The following GALNS variants were observed in gnomAD, a reference collection of about 807,000 sequenced individuals.
GALNS encodes the protein galactosamine (N-acetyl)-6-sulfatase.
Under a neutral mutation model 65.9 loss-of-function variants are expected in GALNS, and 65 were observed. The ratio of observed to expected loss-of-function variants is 0.99; its 90% confidence interval spans 0.81 to 1.21. GALNS has a LOEUF of 1.21. GALNS is among the 50% of genes most tolerant of loss of function. The probability of loss-of-function intolerance (pLI) is 0.00; values close to 1 mark genes in which losing one functional copy is unlikely to be tolerated. For missense variants in GALNS, 776 were observed against 700.7 expected (o/e 1.11, Z -1.21); for synonymous variants, 346 against 288.9 (o/e 1.20, Z -2.00).
intron 9 of GALNS, among the ~76,000 whole-genome samples, chr16:88,828,222 G>C (rs1158072599): frequency 6.9e-6 from 1 of 144,320 alleles, no homozygotes; most frequent in Non-Finnish European, 1.5e-5. Flanking sequence ...AAGAAATCCA[G>C]ATGCTTTTGT....
chr16:88,815,865 G>A (rs574154187), intron 13 of GALNS: 3 of 985,310 alleles, frequency 3.0e-6, no homozygotes, highest in South Asian at 4.7e-5. Flanking sequence ...CTGGATGGGG[G>A]ATCTGCATTT....
rs754393880 is a variant in GALNS, at chr16:88,835,752, G to C, written c.731C>G (p.Pro244Arg). The change falls in exon 7 of 14, where the codon CCC becomes CGC. Residue 244 changes from proline to arginine, a missense_variant. Coordinates refer to ENST00000268695, the MANE Select transcript of GALNS (RefSeq NM_000512.5). The stretch of plus-strand genomic sequence containing the variant: ...CCCTCGCTGACTGGTGCCCAAGAAG[G>C]GTTTGGAGGCATAGACGGGTGCGTG... ...ATHAPVYASK[P>R]FLGTSQRGRY... The C allele has an allele frequency of 5.6e-6, 9 of 1,614,126 alleles. No homozygotes were observed. The South Asian group carries it at 9.9e-5, about 18-fold the overall frequency.
chr16:88,816,595 G>A, intron 13 of GALNS: 2 of 982,262 alleles, frequency 2.0e-6, no homozygotes, highest in Non-Finnish European at 2.4e-6. Context: ...GACTGTCCCT[G>A]GGCAGGGACA....
chr16:88,852,597 G>A (rs111931109), intron 1 of GALNS, among the ~76,000 whole-genome samples: 4,344 of 152,300 alleles, frequency 0.029, 71 homozygotes, highest in Middle Eastern at 0.054. Context: ...CGAACTAGAG[G>A]AAGATGTTTG....
At chr16:88,826,225 G>A (rs1910889441) in intron 10 of GALNS, among the ~76,000 whole-genome samples, 1 of 146,098 alleles carries the variant, frequency 6.8e-6, no homozygotes, top group Non-Finnish European at 1.5e-5. Flanking sequence ...CCAGGTACAG[G>A]CAGGCAACAG....
intron 1 of GALNS, among the ~76,000 whole-genome samples, chr16:88,853,675 C>T (rs1265767976): frequency 1.3e-5 from 2 of 152,196 alleles, no homozygotes; most frequent in African/African-American, 2.4e-5. Flanking sequence ...GTCTCCAAGG[C>T]CCCAGAAGCC....
intron 1 of GALNS, among the ~76,000 whole-genome samples, chr16:88,848,543 C>T (rs1219215331): frequency 2.1e-5 from 3 of 145,998 alleles, no homozygotes; most frequent in Non-Finnish European, 4.5e-5. Context: ...TGAGGCAGGA[C>T]AGCCTGGGTG....
At chr16:88,832,380 G>A (rs557906125) in intron 8 of GALNS, among the ~76,000 whole-genome samples, 3 of 152,306 alleles carry the variant, frequency 2.0e-5, no homozygotes, top group East Asian at 3.9e-4. Context: ...GTACACTCCC[G>A]CAGCAGAGGC....
chr16:88,855,750 G>A (rs903662895), intron 1 of GALNS: 7 of 549,452 alleles, frequency 1.3e-5, no homozygotes, highest in South Asian at 4.3e-5. Context: ...TTCCAATTCC[G>A]ACAGCCACGA....
chr16:88,843,197 C>T lies in GALNS; in HGVS notation c.121-368G>A, dbSNP rs1452819366. 7 of 1,337,820 alleles carry T rather than the reference C, an allele frequency of 5.2e-6. No individual in the cohort carries two copies. The African/African-American group carries it at 1.0e-4, about 20-fold the overall frequency. The allele number at this position is 1,337,820 out of a possible 1,614,324, so 82.9% of individuals were successfully genotyped here. On this transcript the variant is annotated intron_variant, in intron 1 of 13. Transcript: ENST00000268695. ...GCAGGAGCTGGCCTCTAAACACGTG[C>T]ATCTATTTTCAACATAAATACACAG...
At chr16:88,840,506 C>T (rs1966915486) in intron 4 of GALNS, 1 of 256,166 alleles carries the variant, frequency 3.9e-6, no homozygotes, top group Non-Finnish European at 7.8e-6. Flanking sequence ...AGCACCCAAG[C>T]TCTCATCAGC....
At chr16:88,822,810 G>T in intron 11 of GALNS, 100 bp from the exon 12 acceptor site, 1 of 1,521,704 alleles carries the variant, frequency 6.6e-7, no homozygotes, top group East Asian at 2.5e-5. Flanking sequence ...GCGGCCGTGA[G>T]GGGCCTTGTC....
intron 1 of GALNS, among the ~76,000 whole-genome samples, chr16:88,852,496 C>T (rs960553580): frequency 1.3e-5 from 2 of 152,216 alleles, no homozygotes; most frequent in African/African-American, 4.8e-5. Flanking sequence ...GATCGCAGCT[C>T]CTCGCCAGCA....
In GALNS at chr16:88,826,764, G is replaced by T; in HGVS notation, c.1077C>A (p.Ser359Arg). Residue 359 changes from serine (S) to arginine (R), a missense_variant, in exon 10 of 14, where the codon AGC becomes AGA. Coordinates refer to ENST00000268695, the MANE Select transcript of GALNS (RefSeq NM_000512.5). ...SLALAGLTPP[S>R]DRAIDGLNLL... Reference sequence around the variant, plus strand: ...GGTTGAGGCCATCAATGGCCCTGTCGCTGGGCGGCGTCAGGCCCGCAAGGG... The same window carrying T: ...GGTTGAGGCCATCAATGGCCCTGTCTCTGGGCGGCGTCAGGCCCGCAAGGG... The T allele has an allele frequency of 6.2e-7, 1 of 1,609,960 alleles. No homozygotes were observed. The highest frequency in any genetic ancestry group is 8.5e-7 in the Non-Finnish European group (1 of 1,178,668).
chr16:88,819,364 C>T (rs1285287587), intron 12 of GALNS, among the ~76,000 whole-genome samples: 1 of 152,224 alleles, frequency 6.6e-6, no homozygotes. Flanking sequence ...CTTCACACAG[C>T]GCCCCTGAGC....
intron 13 of GALNS, chr16:88,815,943 G>C (rs1265182426): frequency 1.0e-6 from 1 of 985,340 alleles, no homozygotes; most frequent in African/African-American, 1.7e-5. Context: ...CTCTGTGCCA[G>C]AGACGCCACT....
chr16:88,848,876 T>A (rs1967377651), intron 1 of GALNS, among the ~76,000 whole-genome samples: 1 of 152,234 alleles, frequency 6.6e-6, no homozygotes, highest in Non-Finnish European at 1.5e-5. Context: ...GACATCCAGG[T>A]CTGCGTGGTC....
chr16:88,832,344 A>G (rs1911594973), intron 8 of GALNS, among the ~76,000 whole-genome samples: 1 of 152,188 alleles, frequency 6.6e-6, no homozygotes, highest in Non-Finnish European at 1.5e-5. Flanking sequence ...AAACACAACC[A>G]TACGGTGTCA....
chr16:88,853,261 A>G (rs1967593298), intron 1 of GALNS, among the ~76,000 whole-genome samples: 1 of 151,630 alleles, frequency 6.6e-6, no homozygotes, highest in African/African-American at 2.4e-5. Context: ...CAAAAAAAAA[A>G]AAAAAAAAAA....
Sources: gnomAD v4.1 joint callset for allele counts (sites outside exome capture counted in the v4.1 genomes callset) on GRCh38, gnomAD v4.1.1 for gene constraint, MANE v1.5 for transcripts, NCBI Gene and HGNC (gene_info 2026-07-23, HGNC 2026-07-21) for gene names.